The following MYOM3 variants were observed in gnomAD, a reference collection of about 807,000 sequenced individuals.
The protein encoded by MYOM3 is myomesin-3.
MYOM3 carries 155 observed loss-of-function variants against 191.7 expected under a neutral mutation model. The observed-to-expected ratio is 0.81, with a 90% CI of 0.71 to 0.92. The LOEUF is 0.92. Among genes scored for constraint, MYOM3 ranks in the 40% least tolerant of loss-of-function variants. MYOM3 has a pLI of 0.00. For synonymous variants in MYOM3, 757 were observed against 762.9 expected (o/e 0.99, Z 0.13); for missense variants, 1,889 against 1,890.6 (o/e 1.00, Z 0.02).
chr1:24,108,508 G>C lies in MYOM3; in HGVS notation c.129C>G (p.Gly43=), dbSNP rs565775748. The change falls in exon 2 of 37, where the codon GGC becomes GGG. Residue 43 remains glycine, a synonymous_variant. Transcript: ENST00000374434. The stretch of plus-strand genomic sequence containing the variant: ...GGAAGGTCCGCCTCCGCACAGAGGA[G>C]CCCATGCGCAGGCTGTGCTGCCGCT... ...KEERQHSLRM[G]SSVRRRTFRS... The C allele has an allele frequency of 2.3e-5, 37 of 1,579,396 alleles. No homozygotes were observed. The South Asian group carries it at 3.9e-4, about 17-fold the overall frequency.
rs200575695 is a variant in MYOM3, at chr1:24,082,108, G to A, written c.2173C>T (p.Arg725Cys). The A allele has an allele frequency of 1.1e-5, 17 of 1,613,574 alleles. No individual in the cohort carries two copies. Among genetic ancestry groups the A allele is most frequent in the East Asian group, 2.2e-5 (1 of 44,892 alleles). The part of the protein sequence containing the change: ...EMVIGWKPPK[R>C]RGGGKILGYF... ...CCCAGGATCTTGCCACCTCCACGACGCTTGGGGGGTTTCCACCCAATGACC... is the reference window on the plus strand; with the variant it reads ...CCCAGGATCTTGCCACCTCCACGACACTTGGGGGGTTTCCACCCAATGACC... Residue 725 changes from arginine (R) to cysteine (C), a missense_variant, in exon 18 of 37, where the codon CGT becomes TGT. By Grantham distance (180) the Arg-to-Cys change is radical. Coordinates refer to ENST00000374434, the MANE Select transcript of MYOM3 (RefSeq NM_152372.4).
intron 35 of MYOM3, among the ~76,000 whole-genome samples, chr1:24,059,849 C>T (rs1418968603): frequency 1.3e-5 from 2 of 152,084 alleles, no homozygotes; most frequent in Non-Finnish European, 2.9e-5. Flanking sequence ...GACGGGTGGT[C>T]AGCACGGCCT....
chr1:24,063,569 C>T lies in MYOM3; in HGVS notation c.3623-39G>A. Reference sequence around the variant, plus strand: ...GAGAGAAGGGTTAGCTGGCATAGGGCTCCCCTAGGGATGTGCTAGGAGTGG... The same window carrying T: ...GAGAGAAGGGTTAGCTGGCATAGGGTTCCCCTAGGGATGTGCTAGGAGTGG... On this transcript the variant is annotated intron_variant, in intron 30 of 36. Transcript: ENST00000374434. This position sits in a 1 kb window ranked among gnomAD's most constrained non-coding sequence, Gnocchi z 4.5. 1 of 1,613,024 alleles carries T rather than the reference C, an allele frequency of 6.2e-7. No homozygotes were observed. Among genetic ancestry groups the T allele is most frequent in the Non-Finnish European group, 8.5e-7 (1 of 1,179,134 alleles).
In MYOM3 at chr1:24,106,131, A is replaced by G. The variant is rs528481193; in HGVS notation, c.403-54T>C. On this transcript the variant is annotated intron_variant, in intron 4 of 36. Coordinates refer to ENST00000374434, the MANE Select transcript of MYOM3 (RefSeq NM_152372.4). ...GTGAGCCAGGGACCACCTCTCTGCC[A>G]TCTTTGCCATTACCTCCCCACTGAC... is the stretch of plus-strand genomic sequence containing the variant. The G allele has an allele frequency of 1.6e-5, 24 of 1,526,584 alleles. No homozygotes were observed. In the East Asian group the frequency reaches 1.6e-4, roughly 10 times the overall value. 94.6% of individuals were successfully genotyped at this position (1,526,584 alleles called of 1,614,324 possible). A position where few individuals can be genotyped will look rare whatever the true frequency, so the allele number is the denominator to read the frequency against.
chr1:24,064,231 GC>G (rs1324750117), intron 29 of MYOM3, 72 bp from the exon 30 acceptor site: 1 of 1,259,846 alleles, frequency 7.9e-7, no homozygotes, highest in Non-Finnish European at 1.1e-6. Context: ...AAATCCGGAG[GC>G]CTGGGCTCCA....
intron 36 of MYOM3, among the ~76,000 whole-genome samples, chr1:24,058,194 C>T (rs1251769009): frequency 6.6e-6 from 1 of 152,172 alleles, no homozygotes; most frequent in East Asian, 1.9e-4. Context: ...ATGGCCTTCA[C>T]TTTGTTTTAT....
Position 24,056,058 on chromosome 1 carries a change from A to G in MYOM3, c.*1306T>C, listed in dbSNP as rs190731550. On this transcript the variant is annotated 3_prime_UTR_variant, in exon 37 of 37. Coordinates refer to ENST00000374434, the MANE Select transcript of MYOM3 (RefSeq NM_152372.4). Reference sequence around the variant, plus strand: ...TTACTTTGTGGTGTTGGGAGTATAGATTATGTTTATTTTCTCTATAATTTC... The same window carrying G: ...TTACTTTGTGGTGTTGGGAGTATAGGTTATGTTTATTTTCTCTATAATTTC... 1.3e-5 allele frequency: 2 copies of G among 152,296 alleles called. No homozygotes were observed. Among genetic ancestry groups the G allele is most frequent in the East Asian group, 3.9e-4 (2 of 5,188 alleles). 9.4% of individuals were successfully genotyped at this position (152,296 alleles called of 1,614,324 possible). A position where few individuals can be genotyped will look rare whatever the true frequency, so the allele number is the denominator to read the frequency against.
At chr1:24,079,385 G>T (rs553934003) in intron 20 of MYOM3, among the ~76,000 whole-genome samples, 301 of 150,680 alleles carry the variant, frequency 2.0e-3, no homozygotes, top group Non-Finnish European at 3.0e-3. Flanking sequence ...TTTTTCTAGA[G>T]ATGAAGTTTC....
rs774309369 is a variant in MYOM3 at position 24,062,057 on chromosome 1, C to A, written c.3823G>T (p.Glu1275Ter). The change falls in exon 33 of 37, where the codon GAG becomes TAG. Residue 1275 changes from glutamate (E) to a stop codon, truncating the protein, a stop_gained. Coordinates refer to ENST00000374434, the MANE Select transcript of MYOM3 (RefSeq NM_152372.4). LOFTEE classifies it high-confidence loss of function. ...GGGTCCAGGATGTGAAGCCAGATCT[C>A]ATCCAGGGTGGTGCCCGTCCTTATC... The part of the protein sequence containing the change: ...DRIRTGTTLD[E>*]IWLHILDPKD... The A allele has an allele frequency of 2.5e-6, 4 of 1,614,064 alleles. No individual in the cohort carries two copies. The highest frequency in any genetic ancestry group is 3.4e-6 in the Non-Finnish European group (4 of 1,180,048).
At chr1:24,090,225 T>C in intron 12 of MYOM3, 107 bp from the exon 13 acceptor site, 2 of 920,094 alleles carry the variant, frequency 2.2e-6, no homozygotes, top group East Asian at 2.5e-5. Context: ...AGTCCTGGCC[T>C]TGCAGCCCTC....
rs528772201 is a variant in MYOM3 at position 24,062,297 on chromosome 1, G to GCATT, written c.3771-192_3771-189dup. Among the ~76,000 whole-genome samples, 302 of 152,170 alleles carry GCATT rather than the reference G, an allele frequency of 2.0e-3. 2 individuals are homozygous for GCATT. The highest frequency in any genetic ancestry group is 6.8e-3 in the Middle Eastern group (2 of 294). On this transcript the variant is annotated intron_variant, in intron 32 of 36. Coordinates refer to ENST00000374434, the MANE Select transcript of MYOM3 (RefSeq NM_152372.4). Reference sequence around the variant, plus strand: ...AACCCTCCATTCCTCATTCAATACTGCATTCATTCATTCATTCATTCATCA... The same window carrying GCATT: ...AACCCTCCATTCCTCATTCAATACTGCATTCATTCATTCATTCATTCATTCATCA...
intron 27 of MYOM3, 72 bp from the exon 28 acceptor site, chr1:24,067,160 A>G: frequency 3.4e-6 from 5 of 1,466,430 alleles, no homozygotes; most frequent in Non-Finnish European, 4.7e-6. Context: ...GTGTCCAGGC[A>G]GTGCTGGGGG....
chr1:24,061,877 C>A (rs886341294), intron 33 of MYOM3, 69 bp downstream of exon 33: 4 of 1,557,154 alleles, frequency 2.6e-6, no homozygotes, highest in Non-Finnish European at 3.5e-6. Context: ...CAGGACTGAC[C>A]CAGTGTGCCC....
intron 23 of MYOM3, among the ~76,000 whole-genome samples, chr1:24,072,430 A>G (rs773917649): frequency 3.9e-5 from 6 of 152,086 alleles, no homozygotes; most frequent in Non-Finnish European, 8.8e-5. Flanking sequence ...GTCACATGCT[A>G]TCTTAGTGTC....
At position 24,076,361 on chromosome 1, in the gene MYOM3, TAAG is replaced by T; in HGVS notation, c.2587-91_2587-89del. 5 of 896,382 alleles carry T rather than the reference TAAG, an allele frequency of 5.6e-6. No individual in the cohort carries two copies. The South Asian group carries it at 6.8e-5, about 12-fold the overall frequency. The allele number at this position is 896,382 out of a possible 1,614,324, so 55.5% of individuals were successfully genotyped here. ...CCAGGGAGCAGGGAGCCACTCTCAA[TAAG>T]AAAACCCTCTCCCTTCTTGTGTCCC... On this transcript the variant is annotated intron_variant, in intron 20 of 36. Transcript: ENST00000374434.
intron 5 of MYOM3, among the ~76,000 whole-genome samples, chr1:24,101,204 C>T (rs955403924): frequency 3.3e-5 from 5 of 152,068 alleles, no homozygotes; most frequent in African/African-American, 1.2e-4. Flanking sequence ...TCTCACATGC[C>T]GAAGTTCAGG....
rs144867345 is a variant in MYOM3, at chr1:24,067,074, G to A, written c.3370C>T (p.Arg1124Trp). 6.3e-4 allele frequency: 995 copies of A among 1,575,382 alleles called. 8 individuals carry two copies. The African/African-American group carries it at 0.012, about 18-fold the overall frequency. The change falls in exon 28 of 37, where the codon CGG becomes TGG. Residue 1124 changes from arginine to tryptophan, a missense_variant. Arg to Trp is a moderately radical substitution (Grantham distance 101). Transcript: ENST00000374434. ...TCCGTGACCTTCCACTGCAACGGCCGCTCAAAATAGGGACCTGTGCGTGCA... is the reference window on the plus strand; with the variant it reads ...TCCGTGACCTTCCACTGCAACGGCCACTCAAAATAGGGACCTGTGCGTGCA... Reference protein sequence around the residue: ...WKRKQGPYFERPLQWKVTEDC... With the variant: ...WKRKQGPYFEWPLQWKVTEDC...
chr1:24,100,387 G>C (rs78827286), intron 5 of MYOM3, among the ~76,000 whole-genome samples: 4,288 of 152,280 alleles, frequency 0.028, 76 homozygotes, highest in Middle Eastern at 0.051. Context: ...GGGCAGAGAA[G>C]AGGGAGCCTG....
chr1:24,108,232 C>G (rs1462653684), intron 2 of MYOM3, 159 bp from the exon 3 acceptor site: 2 of 777,520 alleles, frequency 2.6e-6, no homozygotes, highest in Non-Finnish European at 4.1e-6. Context: ...CTGCATCCCC[C>G]CGACCCTGAA....
Sources: gnomAD v4.1 joint callset for allele counts (sites outside exome capture counted in the v4.1 genomes callset) on GRCh38, gnomAD v4.1.1 for gene constraint, Gnocchi (gnomAD v3.1) non-coding constraint, MANE v1.5 for transcripts, NCBI Gene and HGNC (gene_info 2026-07-23, HGNC 2026-07-21) for gene names.